Variants in FGGY observed in about 807,000 individuals in gnomAD.
FGGY encodes the protein FGGY carbohydrate kinase domain containing, also known as FGGY carbohydrate kinase domain-containing protein.
In FGGY, 72 loss-of-function variants were observed where a neutral mutation model predicts 71.3. The observed-to-expected ratio is 1.01, with a 90% confidence interval of 0.84 to 1.23. The LOEUF (loss-of-function observed/expected upper bound fraction) is 1.23. Ranked by LOEUF, FGGY falls within the 50% of genes most tolerant of loss-of-function variation. The probability of loss-of-function intolerance (pLI) is 0.00; values close to 1 mark genes in which losing one functional copy is unlikely to be tolerated. For missense variants in FGGY, 668 were observed against 682.3 expected (o/e 0.98, Z 0.23); for synonymous variants, 251 against 250.3 (o/e 1.00, Z -0.02).
At chr1:59,634,280 G>C (rs367841044) in intron 10 of FGGY, among the ~76,000 whole-genome samples, 1 of 152,078 alleles carries the variant, frequency 6.6e-6, no homozygotes. Flanking sequence ...GGTGGCACAC[G>C]CCTGTAGTCC....
rs139909845 is a variant in FGGY at position 59,412,127 on chromosome 1, G to A, written c.554+33290G>A. 3.4e-3 allele frequency among the ~76,000 whole-genome samples: 519 copies of A among 152,230 alleles called. 1 individual carries two copies. Among genetic ancestry groups the A allele is most frequent in the African/African-American group, 0.012 (479 of 41,538 alleles). On this transcript the variant is annotated intron_variant, in intron 5 of 15. Coordinates refer to ENST00000303721, the MANE Select transcript of FGGY (RefSeq NM_018291.5). ...TGTACCATCTCTTGTTCCAGCTGCCGTGACCAAGTTTGCATAGACTCTGAA... is the reference window on the plus strand; with the variant it reads ...TGTACCATCTCTTGTTCCAGCTGCCATGACCAAGTTTGCATAGACTCTGAA...
chr1:59,309,571 T>G (rs2153091108), intron 1 of FGGY, among the ~76,000 whole-genome samples: 1 of 152,348 alleles, frequency 6.6e-6, no homozygotes, highest in Middle Eastern at 3.4e-3. Flanking sequence ...TGTTTAAGCT[T>G]GTACTTTGGT....
chr1:59,527,909 T>C (rs545398123), intron 7 of FGGY, among the ~76,000 whole-genome samples: 20 of 152,180 alleles, frequency 1.3e-4, no homozygotes, highest in Non-Finnish European at 2.4e-4. Flanking sequence ...TGATTTCCAT[T>C]CTTATTACTT....
intron 4 of FGGY, among the ~76,000 whole-genome samples, chr1:59,371,939 G>A (rs1328496025): frequency 6.6e-6 from 1 of 152,092 alleles, no homozygotes; most frequent in African/African-American, 2.4e-5. Flanking sequence ...AGCACTAAAT[G>A]CCCACAAGAG....
chr1:59,304,821 G>C (rs2043214888), intron 1 of FGGY, among the ~76,000 whole-genome samples: 1 of 151,650 alleles, frequency 6.6e-6, no homozygotes, highest in South Asian at 2.1e-4. Context: ...TTTCCTTTTT[G>C]ATGCCCTTCT....
In FGGY at chr1:59,551,888, C is replaced by A. The variant is rs1479926310; in HGVS notation, c.800-2236C>A. 2.0e-5 allele frequency among the ~76,000 whole-genome samples: 3 copies of A among 152,146 alleles called. No homozygotes were observed. The South Asian group carries it at 6.2e-4, about 32-fold the overall frequency. On this transcript the variant is annotated intron_variant, in intron 7 of 15. Coordinates refer to ENST00000303721, the MANE Select transcript of FGGY (RefSeq NM_018291.5). ...ATCTTGGGTTATTCCTGTACAAAAGCCTTTGTGCCCTGAATGGAGAATCGT... is the reference window on the plus strand; with the variant it reads ...ATCTTGGGTTATTCCTGTACAAAAGACTTTGTGCCCTGAATGGAGAATCGT...
rs556901499 is a variant in FGGY at position 59,449,670 on chromosome 1, G to A, written c.555-7291G>A. Among the ~76,000 whole-genome samples the A allele has an allele frequency of 3.9e-5, 6 of 151,982 alleles. No homozygotes were observed. In the South Asian group the frequency reaches 6.3e-4, roughly 16 times the overall value. On this transcript the variant is annotated intron_variant, in intron 5 of 15. Coordinates refer to ENST00000303721, the MANE Select transcript of FGGY (RefSeq NM_018291.5). ...TTTTTTGTTTGTTTTGTTTTGTTTT[G>A]TTTTTATCCAGGCACTGCGACTCAC...
intron 6 of FGGY, among the ~76,000 whole-genome samples, chr1:59,464,792 A>G (rs1238692516): frequency 3.3e-5 from 5 of 152,226 alleles, no homozygotes; most frequent in Non-Finnish European, 7.3e-5. Context: ...AAATTCCTGG[A>G]CACATACACC....
intron 8 of FGGY, among the ~76,000 whole-genome samples, chr1:59,560,578 A>G (rs1484199129): frequency 6.6e-6 from 1 of 152,182 alleles, no homozygotes; most frequent in Non-Finnish European, 1.5e-5. Context: ...AAACTATTCT[A>G]AAATTTAAAA....
At chr1:59,661,341 T>G (rs1013215819) in intron 12 of FGGY, among the ~76,000 whole-genome samples, 2 of 152,222 alleles carry the variant, frequency 1.3e-5, no homozygotes, top group Non-Finnish European at 2.9e-5. Context: ...GTAATAATAC[T>G]AATACTGAAG....
rs767253939 is a variant in FGGY at position 59,616,739 on chromosome 1, TTGAA to T, written c.1011+8833_1011+8836del. ...TTTATAGACATAATTCTGTTAAACT[TTGAA>T]TGATAGTCATAATTACAATGCCTAA... On this transcript the variant is annotated intron_variant, in intron 9 of 15. Coordinates refer to ENST00000303721, the MANE Select transcript of FGGY (RefSeq NM_018291.5). Among the ~76,000 whole-genome samples, 140 of 152,228 alleles carry T rather than the reference TTGAA, an allele frequency of 9.2e-4. 1 individual carries two copies. The highest frequency in any genetic ancestry group is 3.3e-3 in the Admixed American group (51 of 15,280).
chr1:59,475,991 T>G (rs2093247174), intron 6 of FGGY, among the ~76,000 whole-genome samples: 1 of 152,246 alleles, frequency 6.6e-6, no homozygotes, highest in Non-Finnish European at 1.5e-5. Context: ...TGTCTGACTT[T>G]TATTGCTTAC....
chr1:59,603,272 A>C (rs1320645667), intron 8 of FGGY, among the ~76,000 whole-genome samples: 1 of 152,220 alleles, frequency 6.6e-6, no homozygotes, highest in Non-Finnish European at 1.5e-5. Flanking sequence ...CATGTCCCAT[A>C]ATAAGCTATT....
chr1:59,710,022 G>A (rs2097783014), intron 14 of FGGY, among the ~76,000 whole-genome samples: 1 of 152,132 alleles, frequency 6.6e-6, no homozygotes, highest in African/African-American at 2.4e-5. Context: ...AAGAGCAAGA[G>A]CAAAACATGC....
chr1:59,520,454 A>T (rs1294721313), intron 7 of FGGY, among the ~76,000 whole-genome samples: 1 of 152,148 alleles, frequency 6.6e-6, no homozygotes, highest in African/African-American at 2.4e-5. Flanking sequence ...CTCAGTCTAA[A>T]TGTTACTTTG....
chr1:59,635,604 A>G (rs187989781), intron 10 of FGGY, among the ~76,000 whole-genome samples: 1 of 152,096 alleles, frequency 6.6e-6, no homozygotes, highest in African/African-American at 2.4e-5. Flanking sequence ...TCTGAAGTGG[A>G]AAGTCGCAAG....
chr1:59,321,817 G>C (rs2046443556), intron 2 of FGGY, 67 bp downstream of exon 2: 2 of 1,495,424 alleles, frequency 1.3e-6, no homozygotes, highest in Admixed American at 3.9e-5. Flanking sequence ...GTGTCAATCT[G>C]GTGCCGTAAA....
At chr1:59,439,054 G>A (rs1557927376) in intron 5 of FGGY, among the ~76,000 whole-genome samples, 1 of 152,122 alleles carries the variant, frequency 6.6e-6, no homozygotes, top group African/African-American at 2.4e-5. Context: ...AGCCCAACTG[G>A]ATGTTGTCTC....
At chr1:59,750,672 A>T (rs1023129643) in intron 14 of FGGY, among the ~76,000 whole-genome samples, 1 of 152,234 alleles carries the variant, frequency 6.6e-6, no homozygotes, top group African/African-American at 2.4e-5. Flanking sequence ...TACCAGGTGC[A>T]GGTCAAAAGA....
Sources: gnomAD v4.1 joint callset for allele counts (sites outside exome capture counted in the v4.1 genomes callset) on GRCh38, gnomAD v4.1.1 for gene constraint, MANE v1.5 for transcripts, NCBI Gene and HGNC (gene_info 2026-07-23, HGNC 2026-07-21) for gene names.